The following ACYP2 variants were observed in gnomAD, a reference collection of about 807,000 sequenced individuals.
ACYP2 encodes acylphosphatase-2.
Under a neutral mutation model 11.2 loss-of-function variants are expected in ACYP2, and 12 were observed. The ratio of observed to expected loss-of-function variants is 1.08; its 90% confidence interval spans 0.69 to 1.74. The LOEUF (loss-of-function observed/expected upper bound fraction) is 1.74. Among genes scored for constraint, ACYP2 ranks in the 40% most tolerant of loss-of-function variants. ACYP2 has a pLI of 0.00. For synonymous variants in ACYP2, 43 were observed against 32.2 expected, an observed-to-expected ratio of 1.33 and a Z score of -1.13; for missense variants, 134 against 101.9, an observed-to-expected ratio of 1.31 and a Z score of -1.35.
intron 4 of ACYP2, among the ~76,000 whole-genome samples, chr2:54,070,199 G>A (rs1473742995): frequency 6.7e-6 from 1 of 149,340 alleles, no homozygotes; most frequent in Non-Finnish European, 1.5e-5. Flanking sequence ...GAACCTGAGA[G>A]TTGGAGGTTG....
At chr2:54,120,366 A>C (rs1680078790) in intron 4 of ACYP2, among the ~76,000 whole-genome samples, 1 of 152,172 alleles carries the variant, frequency 6.6e-6, no homozygotes, top group Non-Finnish European at 1.5e-5. Context: ...AATTATATTT[A>C]CATCTAGAAT....
At position 54,152,195 on chromosome 2, in the gene ACYP2, A is replaced by G. The variant is rs538243952; in HGVS notation, c.404+13447A>G. Among the ~76,000 whole-genome samples, 7 of 143,076 alleles carry G rather than the reference A, an allele frequency of 4.9e-5. No homozygotes were observed. The East Asian group carries it at 1.2e-3, about 25-fold the overall frequency. The allele number at this position is 143,076 out of a possible 152,430, so 93.9% of individuals were successfully genotyped here. ...TGTAATGGCATGGTCATAGCTCACT[A>G]TAACCTTGGACTCCTGGGCTCAAGT... On this transcript the variant is annotated intron_variant, in intron 6 of 6. Transcript: ENST00000607452.
intron 4 of ACYP2, among the ~76,000 whole-genome samples, chr2:54,095,865 G>A (rs1678526336): frequency 3.8e-5 from 1 of 26,184 alleles, no homozygotes; most frequent in Non-Finnish European, 8.1e-5. Flanking sequence ...GGGGCGGCCG[G>A]GCAGAGGTGC....
intron 3 of ACYP2, among the ~76,000 whole-genome samples, chr2:54,055,975 A>G (rs1169801813): frequency 1.3e-5 from 2 of 152,314 alleles, no homozygotes; most frequent in African/African-American, 4.8e-5. Flanking sequence ...GCATACTGTA[A>G]ATAGATTTCT....
chr2:54,250,511 T>C (rs1430397612), intron 6 of ACYP2, among the ~76,000 whole-genome samples: 1 of 152,126 alleles, frequency 6.6e-6, no homozygotes. Flanking sequence ...CTATCTCATA[T>C]GTTGATAGCT....
At chr2:54,279,571 C>T (rs1688755115) in intron 6 of ACYP2, among the ~76,000 whole-genome samples, 1 of 151,256 alleles carries the variant, frequency 6.6e-6, no homozygotes, top group Non-Finnish European at 1.5e-5. Flanking sequence ...CCCAGAACCC[C>T]CAGTGGCAGG....
chr2:54,295,215 G>T lies in ACYP2; in HGVS notation c.405-9473G>T, dbSNP rs140857798. Among the ~76,000 whole-genome samples, 497 of 152,256 alleles carry T rather than the reference G, an allele frequency of 3.3e-3. 1 individual carries two copies. The highest frequency in any genetic ancestry group is 5.4e-3 in the Non-Finnish European group (366 of 68,022). ...CGCAAAAAAATGCAATAATATTGGG[G>T]AATGGCACCGATAAATGAACCAATT... On this transcript the variant is annotated intron_variant, in intron 6 of 6. Transcript: ENST00000607452.
At chr2:54,036,993 G>A (rs1178431527) in intron 2 of ACYP2, among the ~76,000 whole-genome samples, 1 of 152,192 alleles carries the variant, frequency 6.6e-6, no homozygotes, top group Non-Finnish European at 1.5e-5. Context: ...GTTGTGTGAA[G>A]TAATGTTGTC....
At chr2:54,272,168 G>T (rs1688334343) in intron 6 of ACYP2, among the ~76,000 whole-genome samples, 1 of 152,150 alleles carries the variant, frequency 6.6e-6, no homozygotes, top group Admixed American at 6.5e-5. Context: ...TTAAATATCA[G>T]TGTTGAGGAA....
intron 2 of ACYP2, among the ~76,000 whole-genome samples, chr2:54,027,973 G>T (rs1257167493): frequency 2.0e-5 from 3 of 151,332 alleles, no homozygotes; most frequent in Non-Finnish European, 4.4e-5. Context: ...CTCCCAAGTA[G>T]CTGGGGTTAC....
chr2:54,052,821 G>A (rs1470721495), intron 3 of ACYP2, among the ~76,000 whole-genome samples: 1 of 152,212 alleles, frequency 6.6e-6, no homozygotes, highest in East Asian at 1.9e-4. Context: ...GGTGGCCCAT[G>A]AGGACAAGAT....
At position 54,133,093 on chromosome 2, in the gene ACYP2, G is replaced by A. The variant is rs115493802; in HGVS notation, c.278-2360G>A. 2.1e-3 allele frequency among the ~76,000 whole-genome samples: 319 copies of A among 152,238 alleles called. 3 individuals carry two copies. Among genetic ancestry groups the A allele is most frequent in the African/African-American group, 7.2e-3 (300 of 41,550 alleles). ...CAGTCATGTAATCCTCACCACAACT[G>A]AGATATAGAACAGTCCCATCACCCC... On this transcript the variant is annotated intron_variant, in intron 4 of 6. Coordinates refer to ENST00000607452, the MANE Select transcript of ACYP2 (RefSeq NM_001320586.2).
chr2:54,115,950 C>T (rs939928754), intron 4 of ACYP2, among the ~76,000 whole-genome samples, 194 bp downstream of exon 1: 1 of 149,198 alleles, frequency 6.7e-6, no homozygotes, highest in African/African-American at 2.6e-5. Flanking sequence ...GGCGGAAGTA[C>T]GGGAATGGGG....
At chr2:54,077,078 A>G (rs1278310699) in intron 4 of ACYP2, among the ~76,000 whole-genome samples, 1 of 152,176 alleles carries the variant, frequency 6.6e-6, no homozygotes, top group Non-Finnish European at 1.5e-5. Flanking sequence ...ACCTACCCTC[A>G]CTTTGAGTTA....
intron 6 of ACYP2, among the ~76,000 whole-genome samples, chr2:54,171,032 G>A (rs1683201034): frequency 6.6e-6 from 1 of 152,108 alleles, no homozygotes; most frequent in Non-Finnish European, 1.5e-5. Flanking sequence ...GGGAGGGCTC[G>A]GCATTTCATA....
intron 4 of ACYP2, among the ~76,000 whole-genome samples, chr2:54,067,934 G>A (rs537808603): frequency 1.3e-5 from 2 of 152,274 alleles, no homozygotes; most frequent in East Asian, 3.9e-4. Context: ...ATATTTTTTA[G>A]CTCTGCTTGC....
intron 6 of ACYP2, among the ~76,000 whole-genome samples, chr2:54,179,409 G>A (rs555491092): frequency 2.0e-5 from 3 of 152,152 alleles, no homozygotes; most frequent in African/African-American, 7.2e-5. Context: ...CTAAGAGAGG[G>A]TTCTTGGAAA....
intron 6 of ACYP2, among the ~76,000 whole-genome samples, chr2:54,209,335 T>A (rs1278095846): frequency 6.6e-6 from 1 of 152,218 alleles, no homozygotes; most frequent in East Asian, 1.9e-4. Context: ...CATGTTTTAT[T>A]TTCTCTGGAA....
chr2:53,990,942 G>A (rs1672260522), intron 2 of ACYP2, among the ~76,000 whole-genome samples: 1 of 151,810 alleles, frequency 6.6e-6, no homozygotes, highest in Non-Finnish European at 1.5e-5. Context: ...GATTACAGGT[G>A]CCCGCCACCA....
Sources: gnomAD v4.1 joint callset for allele counts (sites outside exome capture counted in the v4.1 genomes callset) on GRCh38, gnomAD v4.1.1 for gene constraint, MANE v1.5 for transcripts, NCBI Gene and HGNC (gene_info 2026-07-23, HGNC 2026-07-21) for gene names.